Variants in SAMD5 observed in about 807,000 individuals in gnomAD.
The protein encoded by SAMD5 is sterile alpha motif domain-containing protein 5.
SAMD5 carries 13 observed loss-of-function variants against 11.3 expected under a neutral mutation model. The ratio of observed to expected loss-of-function variants is 1.15; its 90% confidence interval spans 0.75 to 1.83. SAMD5 has a LOEUF of 1.83. Among genes scored for constraint, SAMD5 ranks in the 40% most tolerant of loss-of-function variants. SAMD5 has a pLI of 0.00. For missense variants in SAMD5, 255 were observed against 239.1 expected, an observed-to-expected ratio of 1.07 and a Z score of -0.44; for synonymous variants, 129 against 111.3, an observed-to-expected ratio of 1.16 and a Z score of -1.00.
intron 1 of SAMD5, among the ~76,000 whole-genome samples, chr6:147,674,892 C>T (rs1283976305): frequency 1.3e-5 from 2 of 152,236 alleles, no homozygotes; most frequent in Non-Finnish European, 2.9e-5. Flanking sequence ...TCCACCACCA[C>T]ACCTGATTCA....
At chr6:147,901,635 G>A in the SAMD5 span, among the ~76,000 whole-genome samples, 119 of 152,096 alleles carry the variant, frequency 7.8e-4, no homozygotes, top group African/African-American at 2.6e-3. Context: ...ACTAAAGTAT[G>A]AGGATAGGCA....
chr6:147,892,924 C>T, the SAMD5 span, among the ~76,000 whole-genome samples: 1 of 152,076 alleles, frequency 6.6e-6, no homozygotes, highest in Non-Finnish European at 1.5e-5. Context: ...TAAAAGTATT[C>T]AGTATGGGCC....
At chr6:147,910,926 A>G in the SAMD5 span, among the ~76,000 whole-genome samples, 217 of 152,342 alleles carry the variant, frequency 1.4e-3, no homozygotes, top group African/African-American at 5.0e-3. Context: ...CTTGACAGAC[A>G]GTACTAATTG....
At chr6:147,620,724 G>T (rs968440696) in intron 1 of SAMD5, among the ~76,000 whole-genome samples, 1 of 152,204 alleles carries the variant, frequency 6.6e-6, no homozygotes, top group Admixed American at 6.5e-5. Flanking sequence ...GCCTCTGCTG[G>T]AAGGACGTGG....
the SAMD5 span, among the ~76,000 whole-genome samples, chr6:147,768,513 AC>A: frequency 6.6e-6 from 1 of 152,120 alleles, no homozygotes; most frequent in Non-Finnish European, 1.5e-5. Context: ...AAACAAAACA[AC>A]AACAACAACA....
chr6:147,822,431 A>C, the SAMD5 span, among the ~76,000 whole-genome samples: 1 of 152,222 alleles, frequency 6.6e-6, no homozygotes, highest in Non-Finnish European at 1.5e-5. Flanking sequence ...TTATTAAAAA[A>C]TACCATATGT....
At chr6:147,903,758 A>C in the SAMD5 span, among the ~76,000 whole-genome samples, 6 of 152,060 alleles carry the variant, frequency 3.9e-5, no homozygotes, top group African/African-American at 7.2e-5. Flanking sequence ...AAATATAAAA[A>C]TTAGCCGGGC....
chr6:147,707,051 A>C (rs940868284), intron 1 of SAMD5, among the ~76,000 whole-genome samples: 1 of 152,186 alleles, frequency 6.6e-6, no homozygotes. Context: ...TTCTGCCAGA[A>C]AGTTGTTGGC....
At chr6:147,817,563 T>A in the SAMD5 span, among the ~76,000 whole-genome samples, 2 of 152,220 alleles carry the variant, frequency 1.3e-5, no homozygotes, top group African/African-American at 4.8e-5. Flanking sequence ...AATAACACTC[T>A]TAGAAATATG....
chr6:147,536,903 T>G (rs539799772), intron 1 of SAMD5, among the ~76,000 whole-genome samples: 1 of 152,280 alleles, frequency 6.6e-6, no homozygotes, highest in Non-Finnish European at 1.5e-5. Context: ...TTTTCCAAAG[T>G]TATTTATCAG....
At chr6:147,892,441 C>T in the SAMD5 span, among the ~76,000 whole-genome samples, 1 of 152,122 alleles carries the variant, frequency 6.6e-6, no homozygotes, top group Non-Finnish European at 1.5e-5. Flanking sequence ...GTTTATAAAC[C>T]AATCCCTTAT....
rs760298218 is a variant in SAMD5, at chr6:147,564,508, A to G, written c.*52A>G. 3.4e-5 allele frequency: 29 copies of G among 847,628 alleles called. No homozygotes were observed. In the African/African-American group the frequency reaches 4.0e-4, roughly 12 times the overall value. 52.5% of individuals were successfully genotyped at this position (847,628 alleles called of 1,614,324 possible). On this transcript the variant is annotated 3_prime_UTR_variant, in exon 2 of 2. Coordinates refer to ENST00000367474, the MANE Select transcript of SAMD5 (RefSeq NM_001030060.3). Reference sequence around the variant, plus strand: ...ACTGATGAGGTGCCTGAAGACTGGAAAAGGGCATATTTAGAACCTTCTTTC... The same window carrying G: ...ACTGATGAGGTGCCTGAAGACTGGAGAAGGGCATATTTAGAACCTTCTTTC...
In SAMD5 at chr6:147,566,172, C is replaced by A. The variant is rs1188325318; in HGVS notation, c.*1716C>A. 3 of 978,152 alleles carry A rather than the reference C, an allele frequency of 3.1e-6. No homozygotes were observed. Among genetic ancestry groups the A allele is most frequent in the Non-Finnish European group, 3.6e-6 (3 of 823,412 alleles). 60.6% of individuals were successfully genotyped at this position (978,152 alleles called of 1,614,324 possible). A position where few individuals can be genotyped will look rare whatever the true frequency, so the allele number is the denominator to read the frequency against. On this transcript the variant is annotated 3_prime_UTR_variant, in exon 2 of 2. Coordinates refer to ENST00000367474, the MANE Select transcript of SAMD5 (RefSeq NM_001030060.3). ...AATTCAGGCACTGACTAAAATCAGT[C>A]TCATTATCATATACAAATGTAAGGA...
chr6:147,675,663 A>T (rs1790852575), intron 1 of SAMD5, among the ~76,000 whole-genome samples: 1 of 152,190 alleles, frequency 6.6e-6, no homozygotes, highest in Non-Finnish European at 1.5e-5. Context: ...CCTCACTCTT[A>T]AATTTGCTGT....
chr6:147,919,834 CTCCT>C, the SAMD5 span, among the ~76,000 whole-genome samples: 1 of 152,184 alleles, frequency 6.6e-6, no homozygotes, highest in South Asian at 2.1e-4. Context: ...CACATCTGTC[CTCCT>C]TTGAGGCCAG....
At chr6:147,747,255 C>T in the SAMD5 span, among the ~76,000 whole-genome samples, 2 of 152,074 alleles carry the variant, frequency 1.3e-5, no homozygotes, top group Non-Finnish European at 2.9e-5. Context: ...GCAGGGATTG[C>T]TAGGACAACA....
At chr6:147,519,544 C>T (rs888968102) in intron 1 of SAMD5, among the ~76,000 whole-genome samples, 5 of 152,188 alleles carry the variant, frequency 3.3e-5, no homozygotes, top group Non-Finnish European at 7.3e-5. Flanking sequence ...CAAGTGGTCA[C>T]ATAAGAATAA....
chr6:147,765,285 G>A, the SAMD5 span, among the ~76,000 whole-genome samples: 1 of 152,004 alleles, frequency 6.6e-6, no homozygotes, highest in African/African-American at 2.4e-5. Context: ...CTCAAAGTTC[G>A]ATGAATAAAG....
chr6:147,548,083 T>C (rs1788713280), intron 1 of SAMD5, among the ~76,000 whole-genome samples: 1 of 151,790 alleles, frequency 6.6e-6, no homozygotes, highest in African/African-American at 2.4e-5. Context: ...ACTCATAAAA[T>C]CTCATTTAAT....
Sources: allele counts gnomAD v4.1 joint callset (sites outside exome capture counted in the v4.1 genomes callset), GRCh38; gene constraint gnomAD v4.1.1; transcripts MANE v1.5; gene names NCBI Gene and HGNC (gene_info 2026-07-23, HGNC 2026-07-21).